AKAP7: variants seen among roughly 807,000 people sequenced by gnomAD.
AKAP7 encodes A kinase (PRKA) anchor protein 7.
A neutral mutation model predicts 39.5 loss-of-function variants in AKAP7; 39 were observed. The ratio of observed to expected loss-of-function variants is 0.99; its 90% confidence interval spans 0.76 to 1.29. The LOEUF (loss-of-function observed/expected upper bound fraction) is 1.29, where lower values mean the gene tolerates loss of function less well. AKAP7 is among the 50% of genes most tolerant of loss of function. The pLI is 0.00. For missense variants in AKAP7, 414 were observed against 407.7 expected (o/e 1.02, Z -0.13); for synonymous variants, 140 against 139.1 (o/e 1.01, Z -0.05).
chr6:131,173,825 A>G (rs1262130673), intron 5 of AKAP7, among the ~76,000 whole-genome samples: 4 of 152,344 alleles, frequency 2.6e-5, no homozygotes, highest in East Asian at 1.9e-4. Context: ...AAACATTTCT[A>G]ATTACTCATT....
At chr6:131,245,052 G>A (rs1482069095) in intron 7 of AKAP7, among the ~76,000 whole-genome samples, 1 of 152,072 alleles carries the variant, frequency 6.6e-6, no homozygotes, top group Non-Finnish European at 1.5e-5. Context: ...GATTCTTTTT[G>A]CAGGTAATTA....
intron 1 of AKAP7, 143 bp from the exon 2 acceptor site, chr6:131,145,142 G>A (rs763291940): frequency 6.5e-5 from 30 of 459,490 alleles, no homozygotes; most frequent in Non-Finnish European, 2.4e-5. Context: ...ATAGCTTTAT[G>A]ATATATTTGA....
chr6:131,161,932 T>C (rs1803006996), intron 3 of AKAP7, among the ~76,000 whole-genome samples: 1 of 152,090 alleles, frequency 6.6e-6, no homozygotes, highest in Non-Finnish European at 1.5e-5. Context: ...GGACACATGA[T>C]TTGTGATTGG....
upstream of AKAP7, among the ~76,000 whole-genome samples, chr6:131,134,551 C>T (rs1800405946): frequency 6.6e-6 from 1 of 152,180 alleles, no homozygotes; most frequent in African/African-American, 2.4e-5. Context: ...AGTAAAAGAC[C>T]TGTCTTACCT....
At position 131,135,792 on chromosome 6, in the gene AKAP7, G is replaced by A; in HGVS notation, c.19+10G>A. Reference sequence around the variant, plus strand: ...GAGCGCCCCGAAGCGGGTGAGACCGGGCTGTCCAGCGGGCCGGGGCGGGGG... The same window carrying A: ...GAGCGCCCCGAAGCGGGTGAGACCGAGCTGTCCAGCGGGCCGGGGCGGGGG... On this transcript the variant is annotated intron_variant, in intron 1 of 7. Coordinates refer to ENST00000431975, the MANE Select transcript of AKAP7 (RefSeq NM_016377.4). The A allele has an allele frequency of 2.4e-6, 3 of 1,228,232 alleles. No individual in the cohort carries two copies. The highest frequency in any genetic ancestry group is 4.1e-5 in the South Asian group (1 of 24,328). 76.1% of individuals were successfully genotyped at this position (1,228,232 alleles called of 1,614,324 possible).
At chr6:131,134,962 C>T (rs1218648364), upstream of AKAP7, among the ~76,000 whole-genome samples, 1 of 152,048 alleles carries the variant, frequency 6.6e-6, no homozygotes, top group Admixed American at 6.6e-5. Context: ...CACTGCAGTA[C>T]CTTATACTAC....
chr6:131,229,348 G>A (rs1810452126), intron 7 of AKAP7, among the ~76,000 whole-genome samples: 2 of 152,014 alleles, frequency 1.3e-5, no homozygotes, highest in African/African-American at 4.8e-5. Flanking sequence ...AGTTCGTTTT[G>A]TTTTGTTTTG....
chr6:131,253,239 AATG>A (rs1463185701), intron 7 of AKAP7: 2 of 825,682 alleles, frequency 2.4e-6, no homozygotes, highest in Non-Finnish European at 3.6e-6. Flanking sequence ...ATTGATAGCA[AATG>A]ATGATTTTTT....
chr6:131,174,737 A>G (rs1418340565), intron 5 of AKAP7, among the ~76,000 whole-genome samples: 1 of 152,258 alleles, frequency 6.6e-6, no homozygotes, highest in Non-Finnish European at 1.5e-5. Context: ...CCATTGACCA[A>G]AGTTTCTTAA....
At chr6:131,221,307 A>G (rs1462237440) in intron 7 of AKAP7, among the ~76,000 whole-genome samples, 2 of 152,218 alleles carry the variant, frequency 1.3e-5, no homozygotes, top group Non-Finnish European at 2.9e-5. Context: ...TGTGAAAGGT[A>G]AGAAAGGTGA....
chr6:131,216,105 C>T (rs540562807), intron 6 of AKAP7, among the ~76,000 whole-genome samples: 1 of 152,272 alleles, frequency 6.6e-6, no homozygotes, highest in African/African-American at 2.4e-5. Flanking sequence ...TCTTCTATTA[C>T]AAAAATGTTT....
chr6:131,204,540 G>A (rs1807909255), intron 6 of AKAP7, among the ~76,000 whole-genome samples: 1 of 152,138 alleles, frequency 6.6e-6, no homozygotes, highest in African/African-American at 2.4e-5. Flanking sequence ...TACTCTCTTA[G>A]CCCATGATTT....
At chr6:131,235,128 A>G (rs1393450122) in intron 7 of AKAP7, among the ~76,000 whole-genome samples, 2 of 152,040 alleles carry the variant, frequency 1.3e-5, no homozygotes, top group Non-Finnish European at 2.9e-5. Flanking sequence ...TCATTGTTCA[A>G]TTCCCACCTA....
At chr6:131,263,572 T>G (rs1288828529) in intron 7 of AKAP7, among the ~76,000 whole-genome samples, 1 of 152,148 alleles carries the variant, frequency 6.6e-6, no homozygotes, top group African/African-American at 2.4e-5. Flanking sequence ...AAGCAGCATG[T>G]TGTGAAAATT....
chr6:131,173,485 T>A (rs1804280476), intron 5 of AKAP7, among the ~76,000 whole-genome samples: 2 of 152,202 alleles, frequency 1.3e-5, no homozygotes, highest in Non-Finnish European at 2.9e-5. Context: ...TAAATTTACT[T>A]ATTATAGTGT....
intron 5 of AKAP7, among the ~76,000 whole-genome samples, chr6:131,196,207 C>A (rs192725029): frequency 2.0e-4 from 30 of 150,524 alleles, no homozygotes; most frequent in African/African-American, 6.6e-4. Context: ...CTAATTCTTT[C>A]TTCTGCCTGT....
chr6:131,169,029 C>G (rs746398749), intron 4 of AKAP7, 84 bp from the exon 5 acceptor site: 2 of 1,212,712 alleles, frequency 1.6e-6, no homozygotes, highest in Non-Finnish European at 2.3e-6. Flanking sequence ...ATTCATCTTT[C>G]TAAAACTGGT....
chr6:131,278,851 C>T (rs1340917321), intron 7 of AKAP7, among the ~76,000 whole-genome samples: 2 of 152,116 alleles, frequency 1.3e-5, no homozygotes, highest in South Asian at 2.1e-4. Flanking sequence ...ACTACATTAG[C>T]TAATCAGGAA....
chr6:131,169,760 C>A (rs1038450628), intron 5 of AKAP7, among the ~76,000 whole-genome samples: 1 of 152,124 alleles, frequency 6.6e-6, no homozygotes, highest in African/African-American at 2.4e-5. Flanking sequence ...CAGTTTGATC[C>A]AGAGATAATA....
Sources: gnomAD v4.1 joint callset for allele counts (sites outside exome capture counted in the v4.1 genomes callset) on GRCh38, gnomAD v4.1.1 for gene constraint, MANE v1.5 for transcripts, NCBI Gene and HGNC (gene_info 2026-07-23, HGNC 2026-07-21) for gene names.